GUCY1A2: variants seen among roughly 807,000 people sequenced by gnomAD.
GUCY1A2 encodes the protein guanylate cyclase soluble subunit alpha-2.
In GUCY1A2, 27 loss-of-function variants were observed where a neutral mutation model predicts 63.5. The ratio of observed to expected loss-of-function variants is 0.43; its 90% CI spans 0.31 to 0.59. The LOEUF (loss-of-function observed/expected upper bound fraction) is 0.59. GUCY1A2 is among the 20% of genes least tolerant of loss of function. The pLI is 0.11. For missense variants in GUCY1A2, 768 were observed against 913.3 expected (o/e 0.84, Z 2.05); for synonymous variants, 364 against 343.5 (o/e 1.06, Z -0.66).
chr11:106,753,210 GGTT>G (rs1325681404), intron 6 of GUCY1A2, among the ~76,000 whole-genome samples: 2 of 152,070 alleles, frequency 1.3e-5, no homozygotes, highest in African/African-American at 2.4e-5. Context: ...TTTTTGATGG[GGTT>G]GTTTGTATTT....
At chr11:106,756,940 GT>G (rs1240871181) in intron 6 of GUCY1A2, among the ~76,000 whole-genome samples, 2 of 152,156 alleles carry the variant, frequency 1.3e-5, no homozygotes, top group African/African-American at 4.8e-5. Context: ...CCTGAAGAGT[GT>G]TTTCTAACTG....
chr11:106,854,884 A>C (rs1591303070), intron 4 of GUCY1A2, among the ~76,000 whole-genome samples: 1 of 152,078 alleles, frequency 6.6e-6, no homozygotes, highest in Non-Finnish European at 1.5e-5. Flanking sequence ...GGGGGCAGCC[A>C]CCCTGGTGTG....
intron 4 of GUCY1A2, among the ~76,000 whole-genome samples, chr11:106,903,777 C>A (rs1382315529): frequency 6.6e-6 from 1 of 152,126 alleles, no homozygotes; most frequent in African/African-American, 2.4e-5. Flanking sequence ...CATCAAGCCA[C>A]AGAATGGTCA....
At chr11:106,964,414 A>C (rs1861100433) in intron 3 of GUCY1A2, among the ~76,000 whole-genome samples, 1 of 152,210 alleles carries the variant, frequency 6.6e-6, no homozygotes, top group African/African-American at 2.4e-5. Context: ...TAGGCCCCAA[A>C]GAGTTAAATG....
At chr11:107,010,170 T>A (rs1189950191) in intron 1 of GUCY1A2, among the ~76,000 whole-genome samples, 2 of 152,134 alleles carry the variant, frequency 1.3e-5, no homozygotes, top group Non-Finnish European at 2.9e-5. Context: ...TTTCCCGCCT[T>A]CCAAGATATT....
At chr11:106,794,111 T>C (rs990639696) in intron 5 of GUCY1A2, among the ~76,000 whole-genome samples, 3 of 152,012 alleles carry the variant, frequency 2.0e-5, no homozygotes, top group Admixed American at 1.3e-4. Context: ...TATCAACAGA[T>C]AAATGAAGAA....
chr11:106,894,768 C>T (rs1038397934), intron 4 of GUCY1A2, among the ~76,000 whole-genome samples: 2 of 151,744 alleles, frequency 1.3e-5, no homozygotes, highest in Non-Finnish European at 2.9e-5. Context: ...TGAAAGAGTG[C>T]AAAGAGAGTA....
intron 4 of GUCY1A2, among the ~76,000 whole-genome samples, chr11:106,918,095 G>A (rs868455194): frequency 2.1e-5 from 3 of 144,268 alleles, no homozygotes; most frequent in African/African-American, 4.9e-5. Context: ...GTAGAACAGA[G>A]AAGGAGAACG....
At chr11:106,764,977 G>GGA (rs1555028481) in intron 6 of GUCY1A2, among the ~76,000 whole-genome samples, 6 of 94,188 alleles carry the variant, frequency 6.4e-5, no homozygotes, top group Non-Finnish European at 1.4e-4. Context: ...TTTTGGGGGG[G>GGA]GGTTGGGGGG....
rs575158116 is a variant in GUCY1A2 at position 107,017,857 on chromosome 11, C to A, written c.199G>T (p.Ala67Ser). 2.0e-4 allele frequency: 245 copies of A among 1,251,866 alleles called. No homozygotes were observed. The highest frequency in any genetic ancestry group is 2.3e-4 in the Non-Finnish European group (227 of 997,532). 77.5% of individuals were successfully genotyped at this position (1,251,866 alleles called of 1,614,324 possible). Residue 67 changes from alanine (A) to serine (S), a missense_variant, in exon 1 of 8, where the codon GCC becomes TCC. Ala to Ser is a moderately conservative substitution (Grantham distance 99). Around this residue, in one of 3 missense-constraint regions of GUCY1A2, gnomAD observed 496 missense variants for 486.9 expected, o/e 1.02. Coordinates refer to ENST00000526355, the MANE Select transcript of GUCY1A2 (RefSeq NM_000855.3). ...CCGGCAGTGGCAGCGGCGGCGGCGG[C>A]AGAAGCAGCCGGGGTCGGGGCCGGG... ...AAPAPTPAASAAAAAATAGAR... is the reference protein window; with the variant it reads ...AAPAPTPAASSAAAAATAGAR...
chr11:107,005,827 T>C (rs1326829100), intron 1 of GUCY1A2, among the ~76,000 whole-genome samples: 2 of 152,100 alleles, frequency 1.3e-5, no homozygotes, highest in Non-Finnish European at 2.9e-5. Flanking sequence ...AACCCTGAAA[T>C]GTCATATGCC....
chr11:107,000,396 TC>T (rs1861598793), intron 1 of GUCY1A2, among the ~76,000 whole-genome samples: 1 of 152,220 alleles, frequency 6.6e-6, no homozygotes, highest in Admixed American at 6.5e-5. Flanking sequence ...GTTTACTCTT[TC>T]CCTCCATCTC....
chr11:106,917,968 C>A (rs1860390925), intron 4 of GUCY1A2, among the ~76,000 whole-genome samples: 1 of 143,564 alleles, frequency 7.0e-6, no homozygotes, highest in African/African-American at 2.5e-5. Flanking sequence ...ATTAGCAAAG[C>A]CCAACAAGGA....
chr11:106,796,482 T>C (rs570779962), intron 5 of GUCY1A2, among the ~76,000 whole-genome samples: 5 of 151,716 alleles, frequency 3.3e-5, no homozygotes, highest in African/African-American at 1.2e-4. Context: ...TCCTTCAGGA[T>C]GTCTCAGCAT....
intron 4 of GUCY1A2, among the ~76,000 whole-genome samples, chr11:106,854,833 C>T (rs1240844281): frequency 6.6e-6 from 1 of 152,008 alleles, no homozygotes; most frequent in Non-Finnish European, 1.5e-5. Context: ...TTGCAGCAGC[C>T]CAGAACAGGC....
chr11:106,727,970 A>G (rs983163690), intron 6 of GUCY1A2, among the ~76,000 whole-genome samples: 1 of 152,140 alleles, frequency 6.6e-6, no homozygotes, highest in African/African-American at 2.4e-5. Flanking sequence ...GAATCTCCCA[A>G]TGGCTCCCAA....
At chr11:106,860,044 TACATGA>T (rs962469687) in intron 4 of GUCY1A2, among the ~76,000 whole-genome samples, 6 of 152,130 alleles carry the variant, frequency 3.9e-5, no homozygotes, top group Non-Finnish European at 8.8e-5. Flanking sequence ...TAAATGAAAT[TACATGA>T]ACTAATATGT....
intron 3 of GUCY1A2, among the ~76,000 whole-genome samples, chr11:106,971,219 A>ATGTGTGTGTGTGTGTG (rs67190015): frequency 2.0e-5 from 3 of 149,162 alleles, no homozygotes; most frequent in Admixed American, 6.7e-5. Flanking sequence ...ACAAATTTAA[A>ATGTGTGTGTGTGTGTG]TGTGTGTGTG....
intron 4 of GUCY1A2, among the ~76,000 whole-genome samples, chr11:106,931,514 C>T (rs77398449): frequency 0.018 from 2,776 of 152,278 alleles, 91 homozygotes; most frequent in African/African-American, 0.063. Context: ...GAAATGGGAA[C>T]ATATCCACAC....
Sources: gnomAD v4.1 joint callset for allele counts (sites outside exome capture counted in the v4.1 genomes callset) on GRCh38, gnomAD v4.1.1 for gene constraint, gnomAD v4.1.1 regional missense constraint, MANE v1.5 for transcripts, NCBI Gene and HGNC (gene_info 2026-07-23, HGNC 2026-07-21) for gene names.